The following ZNF536 variants were observed in gnomAD, a reference collection of about 807,000 sequenced individuals.
ZNF536 encodes zinc finger protein 536.
In ZNF536, 13 loss-of-function variants were observed where a neutral mutation model predicts 84.5. That is an observed-to-expected ratio of 0.15 (90% CI 0.10 to 0.24). ZNF536 has a LOEUF of 0.24. ZNF536 is among the 10% of genes least tolerant of loss of function. The pLI is 1.00. For missense variants in ZNF536, 1,536 were observed against 1,747.5 expected, an observed-to-expected ratio of 0.88 and a Z score of 2.16; for synonymous variants, 811 against 742.5, an observed-to-expected ratio of 1.09 and a Z score of -1.50.
At chr19:30,497,325 G>A (rs2054763011) in intron 2 of ZNF536, among the ~76,000 whole-genome samples, 1 of 152,124 alleles carries the variant, frequency 6.6e-6, no homozygotes, top group African/African-American at 2.4e-5. Context: ...CCACCTATAG[G>A]CTTCCCATTG....
rs969822067 is a variant in ZNF536 at position 30,348,420 on chromosome 19, T to C, written c.-119-3948T>C. On this transcript the variant is annotated intron_variant, in intron 2 of 5. Coordinates refer to the ZNF536 transcript ENST00000585628. ...GCAGGCTAAACTCATCCACCGTGAC[T>C]GTAGAATTCAAATGTCCCTTACGTG... 1.4e-4 allele frequency among the ~76,000 whole-genome samples: 22 copies of C among 152,144 alleles called. 1 individual carries two copies. Among genetic ancestry groups the C allele is most frequent in the Admixed American group, 1.3e-4 (2 of 15,274 alleles).
intron 1 of ZNF536, among the ~76,000 whole-genome samples, chr19:30,400,758 G>A (rs1232712042): frequency 6.6e-6 from 1 of 152,122 alleles, no homozygotes; most frequent in Non-Finnish European, 1.5e-5. Flanking sequence ...TATTAGATAT[G>A]AGTCTTTGGT....
intron 1 of ZNF536, among the ~76,000 whole-genome samples, chr19:30,412,064 G>A (rs1338637674): frequency 6.6e-6 from 1 of 151,674 alleles, no homozygotes; most frequent in African/African-American, 2.4e-5. Flanking sequence ...ACAGGAAAGT[G>A]ATCATTTTCA....
chr19:30,465,507 G>T (rs770008608), intron 2 of ZNF536, among the ~76,000 whole-genome samples: 1 of 152,288 alleles, frequency 6.6e-6, no homozygotes, highest in East Asian at 1.9e-4. Context: ...AGGAGAGCAG[G>T]GTTGGTCCCT....
intron 1 of ZNF536, among the ~76,000 whole-genome samples, chr19:30,597,142 C>T (rs2047494796): frequency 6.6e-6 from 1 of 152,230 alleles, no homozygotes; most frequent in Non-Finnish European, 1.5e-5. Flanking sequence ...AAGATCCCTG[C>T]ACCAGTGCGC....
intron 1 of ZNF536, among the ~76,000 whole-genome samples, chr19:30,376,145 A>G (rs894303094): frequency 5.3e-5 from 8 of 152,062 alleles, no homozygotes; most frequent in Non-Finnish European, 8.8e-5. Flanking sequence ...TAGTGGCTCC[A>G]TGGGTACCAA....
chr19:30,705,839 A>T (rs928605661), intron 1 of ZNF536, among the ~76,000 whole-genome samples: 3 of 152,254 alleles, frequency 2.0e-5, no homozygotes, highest in African/African-American at 7.2e-5. Context: ...AAATGAAACC[A>T]ATTCAATACT....
At chr19:30,578,124 A>G (rs2046802248) in intron 1 of ZNF536, among the ~76,000 whole-genome samples, 1 of 152,206 alleles carries the variant, frequency 6.6e-6, no homozygotes, top group Non-Finnish European at 1.5e-5. Flanking sequence ...TTACTTGCAA[A>G]TAAATCAGCT....
chr19:30,225,732 CG>C (rs1406569269), upstream of ZNF536, among the ~76,000 whole-genome samples: 1 of 5,300 alleles, frequency 1.9e-4, no homozygotes, highest in Admixed American at 2.5e-3. Context: ...GGGCGCGGCG[CG>C]GGGGGGCGGC....
At chr19:30,285,685 G>C (rs1352737088) in intron 2 of ZNF536, among the ~76,000 whole-genome samples, 1 of 152,198 alleles carries the variant, frequency 6.6e-6, no homozygotes, top group East Asian at 1.9e-4. Context: ...CTCTGGGTCT[G>C]ACATAGGGTC....
In ZNF536 at chr19:30,583,600, A is replaced by G. The variant is rs559032063; in HGVS notation, c.169+34086A>G. ...CTTCCTTCCAGAATCAAGGCTCCGGATGGGGCTGACCCCTAGCCCCTGAGT... is the reference window on the plus strand; with the variant it reads ...CTTCCTTCCAGAATCAAGGCTCCGGGTGGGGCTGACCCCTAGCCCCTGAGT... On this transcript the variant is annotated intron_variant, in intron 1 of 1. Transcript: ENST00000592773. Among the ~76,000 whole-genome samples, 11 of 152,232 alleles carry G rather than the reference A, an allele frequency of 7.2e-5. No individual in the cohort carries two copies. The East Asian group carries it at 1.6e-3, about 21-fold the overall frequency.
At chr19:30,539,827 G>T (rs2045257615) in intron 3 of ZNF536, among the ~76,000 whole-genome samples, 1 of 152,200 alleles carries the variant, frequency 6.6e-6, no homozygotes, top group African/African-American at 2.4e-5. Flanking sequence ...CTCATGCGTG[G>T]CTGCGGGACT....
upstream of ZNF536, among the ~76,000 whole-genome samples, chr19:30,368,862 A>T (rs1260163086): frequency 6.6e-6 from 1 of 152,168 alleles, no homozygotes; most frequent in East Asian, 1.9e-4. Flanking sequence ...ATCACATGGA[A>T]AGGGCTTTGA....
At chr19:30,494,366 C>A (rs763449635) in intron 2 of ZNF536, among the ~76,000 whole-genome samples, 1 of 152,196 alleles carries the variant, frequency 6.6e-6, no homozygotes, top group African/African-American at 2.4e-5. Context: ...AAGTTGCAGG[C>A]GTCTTGCTTC....
Position 30,383,713 on chromosome 19 carries a change from T to TTC in ZNF536, c.-3+11159_-3+11160dup, listed in dbSNP as rs1303602578. 2.0e-3 allele frequency among the ~76,000 whole-genome samples: 101 copies of TTC among 51,264 alleles called. 4 individuals are homozygous for TTC. The highest frequency in any genetic ancestry group is 0.015 in the East Asian group (44 of 2,962). The allele number at this position is 51,264 out of a possible 152,430, so 33.6% of individuals were successfully genotyped here. A position where few individuals can be genotyped will look rare whatever the true frequency, so the allele number is the denominator to read the frequency against. On this transcript the variant is annotated intron_variant, in intron 1 of 4. Coordinates refer to ENST00000355537, the MANE Select transcript of ZNF536 (RefSeq NM_014717.3). ...CTTTCTTTTCTTTCTCTTTCTTTCT[T>TTC]TCTTTCTTTCTTTCTTTCTTTCTTT... is the stretch of plus-strand genomic sequence containing the variant.
chr19:30,673,101 C>T (rs552573517), intron 1 of ZNF536, among the ~76,000 whole-genome samples: 8 of 152,158 alleles, frequency 5.3e-5, no homozygotes, highest in Admixed American at 2.6e-4. Flanking sequence ...GTGAGGACTC[C>T]AGTGCCCCTG....
chr19:30,356,224 T>C (rs2048090463), intron 3 of ZNF536, among the ~76,000 whole-genome samples: 1 of 152,214 alleles, frequency 6.6e-6, no homozygotes, highest in African/African-American at 2.4e-5. Context: ...AAAGACCTCA[T>C]GTTCAGGTTG....
At chr19:30,394,073 A>T (rs1181155143) in intron 1 of ZNF536, among the ~76,000 whole-genome samples, 1 of 152,150 alleles carries the variant, frequency 6.6e-6, no homozygotes, top group Non-Finnish European at 1.5e-5. Flanking sequence ...GTGCAGATGG[A>T]AAAAGGGCAG....
At chr19:30,672,552 T>A (rs540405159) in intron 1 of ZNF536, among the ~76,000 whole-genome samples, 2 of 152,346 alleles carry the variant, frequency 1.3e-5, no homozygotes, top group East Asian at 3.9e-4. Flanking sequence ...AACCTCCATC[T>A]TCTTTGTAGT....
Sources: allele counts gnomAD v4.1 joint callset (sites outside exome capture counted in the v4.1 genomes callset), GRCh38; gene constraint gnomAD v4.1.1; transcripts MANE v1.5; gene names NCBI Gene and HGNC (gene_info 2026-07-23, HGNC 2026-07-21).